Variants in RAB21 observed in about 807,000 individuals in gnomAD.
RAB21 encodes ras-related protein Rab-21.
A neutral mutation model predicts 33.1 loss-of-function variants in RAB21; 13 were observed. That is an observed-to-expected ratio of 0.39 (90% CI 0.26 to 0.62). The LOEUF is 0.62. RAB21 is among the 20% of genes least tolerant of loss of function. RAB21 has a pLI of 0.48. For missense variants in RAB21, 234 were observed against 279.1 expected (o/e 0.84, Z 1.15); for synonymous variants, 91 against 103.7 (o/e 0.88, Z 0.74).
Position 71,785,579 on chromosome 12 carries a change from C to G in RAB21, c.584C>G (p.Ser195Cys), listed in dbSNP as rs766682332. The G allele has an allele frequency of 1.3e-5, 21 of 1,614,054 alleles. No individual in the cohort carries two copies. The highest frequency in any genetic ancestry group is 1.4e-5 in the Non-Finnish European group (16 of 1,180,036). Residue 195 changes from serine to cysteine, a missense_variant, in exon 7 of 7, where the codon TCT (serine) becomes TGT (cysteine). Ser to Cys is a moderately radical substitution (Grantham distance 112). Transcript: ENST00000261263. ...GATGAGAGAGCAAAAGGCAATGGCT[C>G]TAGTCAGCCGGGAACTGCAAGGCGA... ...QVDERAKGNG[S>C]SQPGTARRGV... is the part of the protein sequence containing the mutation.
rs780531061 is a variant in RAB21 at position 71,788,913 on chromosome 12, G to A, written c.*3240G>A. On this transcript the variant is annotated 3_prime_UTR_variant, in exon 7 of 7. Coordinates refer to ENST00000261263, the MANE Select transcript of RAB21 (RefSeq NM_014999.4). ...GAAAAGAAAAAAGCATTATGTTATT[G>A]TATGAAATATAAGTGTTCAGATTTG... is the stretch of plus-strand genomic sequence containing the variant. The A allele has an allele frequency of 1.5e-4, 23 of 152,078 alleles. No individual in the cohort carries two copies. Among genetic ancestry groups the A allele is most frequent in the Non-Finnish European group, 3.1e-4 (21 of 67,948 alleles). The allele number at this position is 152,078 out of a possible 1,614,324, so 9.4% of individuals were successfully genotyped here.
At chr12:71,785,150 A>C (rs1307780743) in intron 6 of RAB21, among the ~76,000 whole-genome samples, 1 of 152,230 alleles carries the variant, frequency 6.6e-6, no homozygotes, top group Non-Finnish European at 1.5e-5. Context: ...TTTCTAGTTG[A>C]AGAATAAATC....
intron 5 of RAB21, 91 bp from the exon 6 acceptor site, chr12:71,782,477 AAT>A (rs750289379): frequency 1.3e-5 from 10 of 772,724 alleles, no homozygotes; most frequent in Non-Finnish European, 1.8e-5. Flanking sequence ...TGAGTAAATT[AAT>A]ATGTCACTAA....
chr12:71,773,272 C>T (rs150829195), intron 3 of RAB21, among the ~76,000 whole-genome samples: 48 of 152,314 alleles, frequency 3.2e-4, no homozygotes, highest in Non-Finnish European at 6.5e-4. Flanking sequence ...ATCATTGGTT[C>T]TCTACCGGGG....
chr12:71,760,725 T>C (rs549607433), intron 1 of RAB21, among the ~76,000 whole-genome samples: 20 of 152,204 alleles, frequency 1.3e-4, no homozygotes, highest in Admixed American at 2.0e-4. Flanking sequence ...CCCTTTTTTT[T>C]TCCCTTATTG....
intron 6 of RAB21, among the ~76,000 whole-genome samples, chr12:71,783,958 C>T (rs955126172): frequency 1.3e-5 from 2 of 152,106 alleles, no homozygotes; most frequent in African/African-American, 4.8e-5. Flanking sequence ...ACAATTTTTG[C>T]ATGCTCCACA....
rs567226832 is a variant in RAB21, at chr12:71,760,015, A to G, written c.159+4727A>G. ...AGCCTGGCACATGTTTGTTTAATAA[A>G]TGTTTGCTGTTTGATGTTAAATGAA... On this transcript the variant is annotated intron_variant, in intron 1 of 6. Coordinates refer to ENST00000261263, the MANE Select transcript of RAB21 (RefSeq NM_014999.4). 2.0e-5 allele frequency among the ~76,000 whole-genome samples: 3 copies of G among 152,302 alleles called. No homozygotes were observed. The East Asian group carries it at 5.8e-4, about 29-fold the overall frequency.
At chr12:71,756,007 A>T in intron 1 of RAB21, among the ~76,000 whole-genome samples, 1 of 152,210 alleles carries the variant, frequency 6.6e-6, no homozygotes, top group Non-Finnish European at 1.5e-5. Flanking sequence ...GGTACATTGG[A>T]AAGGTGTTAA....
At chr12:71,781,491 G>GT (rs1883199872) in intron 4 of RAB21, among the ~76,000 whole-genome samples, 1 of 151,542 alleles carries the variant, frequency 6.6e-6, no homozygotes, top group African/African-American at 2.4e-5. Context: ...AGAGAATACA[G>GT]TTTTTCCCCT....
In RAB21 at chr12:71,785,679, C is replaced by T. The variant is rs753552473; in HGVS notation, c.*6C>T. 4 of 1,614,024 alleles carry T rather than the reference C, an allele frequency of 2.5e-6. No individual in the cohort carries two copies. The highest frequency in any genetic ancestry group is 3.4e-6 in the Non-Finnish European group (4 of 1,179,980). On this transcript the variant is annotated 3_prime_UTR_variant, in exon 7 of 7. Coordinates refer to ENST00000261263, the MANE Select transcript of RAB21 (RefSeq NM_014999.4). ...GGTGCTGTTCTTCTGGATAACTGTT[C>T]ACGCCTAAGAAATTAAAAGACAGAA...
chr12:71,763,825 A>C (rs1882914884), intron 1 of RAB21, among the ~76,000 whole-genome samples: 1 of 152,172 alleles, frequency 6.6e-6, no homozygotes, highest in South Asian at 2.1e-4. Flanking sequence ...TGCCAGATTA[A>C]GAAATGTGTG....
rs555972807 is a variant in RAB21, at chr12:71,794,015, T to A, written c.*8342T>A. ...GGATGGATCCCTTAAACCCAGGAATTCAAGACCAGTGTAGACAACATGGCG... is the reference window on the plus strand; with the variant it reads ...GGATGGATCCCTTAAACCCAGGAATACAAGACCAGTGTAGACAACATGGCG... On this transcript the variant is annotated 3_prime_UTR_variant, in exon 7 of 7. Coordinates refer to ENST00000261263, the MANE Select transcript of RAB21 (RefSeq NM_014999.4). 1 of 151,938 alleles carries A rather than the reference T, an allele frequency of 6.6e-6. No individual in the cohort carries two copies. The highest frequency in any genetic ancestry group is 2.1e-4 in the South Asian group (1 of 4,808). The allele number at this position is 151,938 out of a possible 1,614,324, so 9.4% of individuals were successfully genotyped here.
intron 6 of RAB21, 46 bp from the exon 7 acceptor site, chr12:71,785,485 C>T (rs1252396983): frequency 1.9e-6 from 3 of 1,595,618 alleles, no homozygotes; most frequent in Admixed American, 1.7e-5. Flanking sequence ...AAAGAGAAAA[C>T]ACAAATATTG....
chr12:71,784,320 A>G (rs1448884325), intron 6 of RAB21, among the ~76,000 whole-genome samples: 4 of 151,796 alleles, frequency 2.6e-5, no homozygotes, highest in African/African-American at 9.7e-5. Flanking sequence ...CAGTTTATCT[A>G]TTTTTCTTTT....
chr12:71,773,817 C>T, intron 3 of RAB21, 142 bp from the exon 4 acceptor site: 1 of 586,538 alleles, frequency 1.7e-6, no homozygotes, highest in Non-Finnish European at 3.0e-6. Flanking sequence ...AATGATTCTT[C>T]AGTGAATCAT....
At chr12:71,762,460 C>G (rs989770812) in intron 1 of RAB21, among the ~76,000 whole-genome samples, 14 of 152,136 alleles carry the variant, frequency 9.2e-5, no homozygotes, top group African/African-American at 3.1e-4. Context: ...CGCCCGCTAC[C>G]ACGCCCGGCT....
chr12:71,773,556 C>T (rs368687318), intron 3 of RAB21, among the ~76,000 whole-genome samples: 1 of 151,812 alleles, frequency 6.6e-6, no homozygotes, highest in African/African-American at 2.4e-5. Flanking sequence ...GCTCCTTTGC[C>T]CTCTATTTAG....
rs995525419 is a variant in RAB21, at chr12:71,755,410, C to T, written c.159+122C>T. 7.5e-6 allele frequency: 9 copies of T among 1,197,420 alleles called. No homozygotes were observed. The African/African-American group carries it at 1.5e-4, about 20-fold the overall frequency. The allele number at this position is 1,197,420 out of a possible 1,614,324, so 74.2% of individuals were successfully genotyped here. On this transcript the variant is annotated intron_variant, in intron 1 of 6. Coordinates refer to ENST00000261263, the MANE Select transcript of RAB21 (RefSeq NM_014999.4). ...CAAATCTCAGGCCTGTCATCTCCGC[C>T]TTCGGTTTACCTTTCCGAATTCGCC...
intron 4 of RAB21, among the ~76,000 whole-genome samples, chr12:71,779,141 CAG>C (rs1883161857): frequency 6.6e-6 from 1 of 152,136 alleles, no homozygotes; most frequent in African/African-American, 2.4e-5. Context: ...GTGAGACTAA[CAG>C]AGGTTAACTA....
Sources: gnomAD v4.1 joint callset for allele counts (sites outside exome capture counted in the v4.1 genomes callset) on GRCh38, gnomAD v4.1.1 for gene constraint, MANE v1.5 for transcripts, NCBI Gene and HGNC (gene_info 2026-07-23, HGNC 2026-07-21) for gene names.